The following SRGAP3 variants were observed in gnomAD, a reference collection of about 807,000 sequenced individuals.
SRGAP3 encodes the protein SLIT-ROBO Rho GTPase-activating protein 3.
SRGAP3 carries 39 observed loss-of-function variants against 121.1 expected under a neutral mutation model. The observed-to-expected ratio is 0.32, with a 90% confidence interval of 0.25 to 0.42. The LOEUF (loss-of-function observed/expected upper bound fraction) is 0.42. SRGAP3 is among the 10% of genes least tolerant of loss of function. The pLI, the probability that SRGAP3 is intolerant of heterozygous loss-of-function variation, is 1.00. For missense variants in SRGAP3, 1,213 were observed against 1,470.6 expected (o/e 0.82, Z 2.86); for synonymous variants, 601 against 570.0 (o/e 1.05, Z -0.77).
chr3:9,066,704 G>T (rs1452844680), intron 4 of SRGAP3, among the ~76,000 whole-genome samples: 1 of 152,122 alleles, frequency 6.6e-6, no homozygotes, highest in Non-Finnish European at 1.5e-5. Context: ...TCACCGTGTT[G>T]GTCAATCTGG....
intron 3 of SRGAP3, among the ~76,000 whole-genome samples, chr3:9,255,196 A>G (rs976462088): frequency 6.6e-6 from 1 of 152,268 alleles, no homozygotes; most frequent in African/African-American, 2.4e-5. Flanking sequence ...AAGTTTCCAC[A>G]AATCTATGAG....
intron 1 of SRGAP3, among the ~76,000 whole-genome samples, chr3:9,183,767 AACACACACACAC>A (rs62971361): frequency 1.4e-4 from 21 of 148,262 alleles, no homozygotes; most frequent in African/African-American, 4.7e-4. Flanking sequence ...CAAATTTGCT[AACACACACACAC>A]ACACACACAC....
chr3:9,283,189 C>G (rs1007398936), intron 3 of SRGAP3, among the ~76,000 whole-genome samples: 4 of 151,454 alleles, frequency 2.6e-5, no homozygotes, highest in Non-Finnish European at 4.4e-5. Context: ...GATCCACCCC[C>G]CCTCGGCCTC....
At chr3:9,274,108 T>A (rs988631045) in intron 3 of SRGAP3, among the ~76,000 whole-genome samples, 1 of 152,224 alleles carries the variant, frequency 6.6e-6, no homozygotes, top group Non-Finnish European at 1.5e-5. Flanking sequence ...GTCCTAGCTA[T>A]CTTTGTCACC....
rs1397244024 is a variant in SRGAP3, at chr3:9,302,982, G to T, written n.442+23028C>A. 2.6e-5 allele frequency among the ~76,000 whole-genome samples: 4 copies of T among 151,998 alleles called. No individual in the cohort carries two copies. The South Asian group carries it at 6.2e-4, about 24-fold the overall frequency. ...GTCACCACTTTTGAAATAGTAAATG[G>T]TTATAAACCAATGTAGATGATAAAT... On this transcript the variant is annotated intron_variant and non_coding_transcript_variant, in intron 3 of 3. Transcript: ENST00000490889.
At chr3:9,030,395 A>G (rs1285502979) in intron 12 of SRGAP3, among the ~76,000 whole-genome samples, 1 of 152,206 alleles carries the variant, frequency 6.6e-6, no homozygotes, top group African/African-American at 2.4e-5. Context: ...TGCACCTCCA[A>G]TGGCATCGCA....
At chr3:9,156,502 G>GC in intron 1 of SRGAP3, among the ~76,000 whole-genome samples, 1 of 152,292 alleles carries the variant, frequency 6.6e-6, no homozygotes, top group South Asian at 2.1e-4. Context: ...CTACAAGGAT[G>GC]TGTTGGTATA....
intron 9 of SRGAP3, among the ~76,000 whole-genome samples, chr3:9,050,786 C>T (rs1945529995): frequency 6.6e-6 from 1 of 152,224 alleles, no homozygotes; most frequent in Non-Finnish European, 1.5e-5. Context: ...ACACCGTAGG[C>T]TCCATGGAAG....
chr3:9,142,233 C>G (rs950624031), intron 1 of SRGAP3, among the ~76,000 whole-genome samples: 1 of 152,126 alleles, frequency 6.6e-6, no homozygotes, highest in African/African-American at 2.4e-5. Context: ...TAAAAAGTTA[C>G]GCAAATGGGC....
chr3:9,131,742 G>T (rs895910889), intron 1 of SRGAP3, among the ~76,000 whole-genome samples: 1 of 151,872 alleles, frequency 6.6e-6, no homozygotes, highest in Non-Finnish European at 1.5e-5. Context: ...GCACCCGGCC[G>T]TAAGAACTAA....
At position 9,103,345 on chromosome 3, in the gene SRGAP3, G is replaced by A. The variant is rs1302410050; in HGVS notation, c.423+1335C>T. On this transcript the variant is annotated intron_variant, in intron 3 of 21. Transcript: ENST00000383836. ...TTGGTAATAATAGTCTCTTAAATTC[G>A]CATAATAATAGTCAGCTTTCATGAG... 4.6e-5 allele frequency among the ~76,000 whole-genome samples: 7 copies of A among 152,126 alleles called. No homozygotes were observed. The East Asian group carries it at 5.8e-4, about 13-fold the overall frequency.
chr3:9,016,708 A>G (rs563743216), intron 14 of SRGAP3, among the ~76,000 whole-genome samples: 3 of 152,332 alleles, frequency 2.0e-5, no homozygotes, highest in South Asian at 2.1e-4. Context: ...GTTTCACCCA[A>G]TGGTTTTAGC....
intron 1 of SRGAP3, among the ~76,000 whole-genome samples, chr3:9,240,771 G>C (rs970847632): frequency 1.3e-5 from 2 of 152,218 alleles, no homozygotes; most frequent in Non-Finnish European, 2.9e-5. Flanking sequence ...TTCCAGGTTG[G>C]TGGTGGACTG....
chr3:9,274,815 T>G (rs1441987264), intron 3 of SRGAP3, among the ~76,000 whole-genome samples: 2 of 152,184 alleles, frequency 1.3e-5, no homozygotes, highest in African/African-American at 4.8e-5. Context: ...TCTCCAAAGC[T>G]ACATCATCAA....
chr3:9,179,930 C>T (rs571517637), intron 1 of SRGAP3, among the ~76,000 whole-genome samples: 6 of 152,224 alleles, frequency 3.9e-5, no homozygotes, highest in African/African-American at 1.2e-4. Flanking sequence ...CAGCACAGGG[C>T]CAGATGCCCG....
intron 3 of SRGAP3, among the ~76,000 whole-genome samples, chr3:9,258,482 C>T (rs1215757390): frequency 3.9e-5 from 6 of 152,166 alleles, no homozygotes; most frequent in Non-Finnish European, 8.8e-5. Flanking sequence ...CTGAAGGGAA[C>T]TGACATCAGA....
At chr3:9,256,818 T>A in intron 3 of SRGAP3, 1 of 398,332 alleles carries the variant, frequency 2.5e-6, no homozygotes, top group Non-Finnish European at 4.4e-6. Context: ...CCTGGGAGAG[T>A]CTAAGTCGGT....
Position 8,985,987 on chromosome 3 carries a change from T to C in SRGAP3, c.2887-55A>G, listed in dbSNP as rs907387071. ...AGTCTGGAGACCTGGAGTCAGGTCC[T>C]TCCTGTCTGCTAAGCAGCTTCCCTT... On this transcript the variant is annotated intron_variant, in intron 21 of 21. Transcript: ENST00000383836. This position sits in a 1 kb window ranked among gnomAD's most constrained non-coding sequence, Gnocchi z 5.1. The C allele has an allele frequency of 1.3e-6, 2 of 1,598,932 alleles. No homozygotes were observed. Among genetic ancestry groups the C allele is most frequent in the Non-Finnish European group, 1.7e-6 (2 of 1,179,646 alleles).
At chr3:9,155,102 T>C (rs148201594) in intron 1 of SRGAP3, among the ~76,000 whole-genome samples, 5 of 152,286 alleles carry the variant, frequency 3.3e-5, no homozygotes, top group East Asian at 1.9e-4. Flanking sequence ...TCGGTGTGTA[T>C]TAAAGTGTCT....
Sources: allele counts gnomAD v4.1 joint callset (sites outside exome capture counted in the v4.1 genomes callset), GRCh38; gene constraint gnomAD v4.1.1; non-coding constraint Gnocchi (gnomAD v3.1); transcripts MANE v1.5; gene names NCBI Gene and HGNC (gene_info 2026-07-23, HGNC 2026-07-21).